PPP1R16B: variants seen among roughly 807,000 people sequenced by gnomAD.
PPP1R16B encodes protein phosphatase 1 regulatory subunit 16B.
A neutral mutation model predicts 61.7 loss-of-function variants in PPP1R16B; 14 were observed. That is an observed-to-expected ratio of 0.23 (90% CI 0.15 to 0.35). The LOEUF is 0.35. Ranked by LOEUF, PPP1R16B falls within the 10% of genes least tolerant of loss-of-function variation. The probability of loss-of-function intolerance (pLI) is 1.00; values close to 1 mark genes in which losing one functional copy is unlikely to be tolerated. For synonymous variants in PPP1R16B, 266 were observed against 305.3 expected, an observed-to-expected ratio of 0.87 and a Z score of 1.34; for missense variants, 547 against 752.5, an observed-to-expected ratio of 0.73 and a Z score of 3.19.
At chr20:38,848,174 A>G (rs1247479254) in intron 2 of PPP1R16B, among the ~76,000 whole-genome samples, 1 of 152,224 alleles carries the variant, frequency 6.6e-6, no homozygotes, top group Non-Finnish European at 1.5e-5. Context: ...GAAATACTTT[A>G]TGGGCTCTTG....
chr20:38,826,775 C>T (rs868019421), intron 1 of PPP1R16B, among the ~76,000 whole-genome samples: 3 of 152,196 alleles, frequency 2.0e-5, no homozygotes, highest in Non-Finnish European at 2.9e-5. Flanking sequence ...GGGCCATTCC[C>T]GTCTACCACC....
At chr20:38,808,958 G>A (rs912360556) in intron 1 of PPP1R16B, among the ~76,000 whole-genome samples, 2 of 151,984 alleles carry the variant, frequency 1.3e-5, no homozygotes, top group East Asian at 1.9e-4. Flanking sequence ...GCTTGAACCC[G>A]GGAGCAGGAG....
intron 4 of PPP1R16B, 53 bp from the exon 5 acceptor site, chr20:38,900,528 A>T: frequency 6.8e-7 from 1 of 1,474,518 alleles, no homozygotes; most frequent in Non-Finnish European, 9.3e-7. Context: ...AGAGGCAGCT[A>T]GACCAACCCT....
At position 38,907,193 on chromosome 20, in the gene PPP1R16B, T is replaced by C; in HGVS notation, c.898+139T>C. The C allele has an allele frequency of 2.9e-6, 2 of 690,082 alleles. No homozygotes were observed. Among genetic ancestry groups the C allele is most frequent in the South Asian group, 1.8e-5 (1 of 55,462 alleles). 42.7% of individuals were successfully genotyped at this position (690,082 alleles called of 1,614,324 possible). A position where few individuals can be genotyped will look rare whatever the true frequency, so the allele number is the denominator to read the frequency against. On this transcript the variant is annotated intron_variant, in intron 8 of 10. Coordinates refer to ENST00000299824, the MANE Select transcript of PPP1R16B (RefSeq NM_015568.4). This position sits in a 1 kb window ranked among gnomAD's most constrained non-coding sequence, Gnocchi z 4.5. ...ATAGATAGATGGATTAATTAATGGA[T>C]GGTAGATGAATGGACGGATGGACAG...
At chr20:38,904,079 TC>T (rs1399216579) in intron 6 of PPP1R16B, among the ~76,000 whole-genome samples, 1 of 148,914 alleles carries the variant, frequency 6.7e-6, no homozygotes, top group African/African-American at 2.4e-5. Context: ...CCCACCTGCT[TC>T]CTGAGCTCTC....
chr20:38,895,816 T>TCCTTCCTTCTTTCTCTCCTCCCTC lies in PPP1R16B; in HGVS notation c.467+109_467+110insTCCTTCTTTCTCTCCTCCCTCCCT, dbSNP rs2085331879. The TCCTTCCTTCTTTCTCTCCTCCCTC allele has an allele frequency of 2.4e-4, 137 of 568,500 alleles. 5 individuals are homozygous for TCCTTCCTTCTTTCTCTCCTCCCTC. The highest frequency in any genetic ancestry group is 9.0e-4 in the East Asian group (16 of 17,804). 35.2% of individuals were successfully genotyped at this position (568,500 alleles called of 1,614,324 possible). A position where few individuals can be genotyped will look rare whatever the true frequency, so the allele number is the denominator to read the frequency against. ...CTCCTTCCTTCTTTCTCTCCTCCCT[T>TCCTTCCTTCTTTCTCTCCTCCCTC]CCTCCTTCCTTCTTTCTCTCCTCCC... On this transcript the variant is annotated intron_variant, in intron 4 of 10. Transcript: ENST00000299824.
intron 1 of PPP1R16B, among the ~76,000 whole-genome samples, chr20:38,823,977 G>A (rs1406741315): frequency 6.6e-6 from 1 of 151,848 alleles, no homozygotes; most frequent in African/African-American, 2.4e-5. Flanking sequence ...TAATGGCATA[G>A]AGACTGACCA....
chr20:38,853,921 T>C (rs1001381408), intron 2 of PPP1R16B, among the ~76,000 whole-genome samples: 7 of 152,220 alleles, frequency 4.6e-5, no homozygotes, highest in Admixed American at 1.3e-4. Context: ...TTTGCCTGCA[T>C]CGCGCTTGCT....
chr20:38,823,242 G>A (rs558259529), intron 1 of PPP1R16B, among the ~76,000 whole-genome samples: 4 of 152,316 alleles, frequency 2.6e-5, no homozygotes, highest in African/African-American at 9.6e-5. Context: ...AGGGCATCTG[G>A]AAACTTTCTG....
chr20:38,836,021 G>A lies in PPP1R16B; in HGVS notation c.96G>A (p.Gln32=). ...GGGCTGCCCAGAAGCGCCGGGCCCA[G>A]CAGCTGAAGAAATGGGCACAGTACG... ...RLRAAQKRRA[Q]QLKKWAQYEQ... Residue 32 remains glutamine (Q), a synonymous_variant, in exon 2 of 11, where the codon CAG becomes CAA. Transcript: ENST00000299824. 1 of 1,595,850 alleles carries A rather than the reference G, an allele frequency of 6.3e-7. No individual in the cohort carries two copies. The highest frequency in any genetic ancestry group is 1.3e-5 in the African/African-American group (1 of 74,662).
At position 38,895,823 on chromosome 20, in the gene PPP1R16B, TCC is replaced by T. The variant is rs1568678805; in HGVS notation, c.467+114_467+115del. On this transcript the variant is annotated intron_variant, in intron 4 of 10. Coordinates refer to ENST00000299824, the MANE Select transcript of PPP1R16B (RefSeq NM_015568.4). ...CTTCTTTCTCTCCTCCCTTCCTCCT[TCC>T]TTCTTTCTCTCCTCCCTTCCTCCTT... is the stretch of plus-strand genomic sequence containing the variant. The T allele has an allele frequency of 2.6e-5, 29 of 1,124,504 alleles. No homozygotes were observed. In the African/African-American group the frequency reaches 4.8e-4, roughly 19 times the overall value. 69.7% of individuals were successfully genotyped at this position (1,124,504 alleles called of 1,614,324 possible).
chr20:38,913,486 C>T (rs2085508421), intron 10 of PPP1R16B, among the ~76,000 whole-genome samples: 1 of 152,136 alleles, frequency 6.6e-6, no homozygotes, highest in African/African-American at 2.4e-5. Context: ...TGGTCTCAAT[C>T]CCTTGACCTT....
intron 6 of PPP1R16B, among the ~76,000 whole-genome samples, chr20:38,903,083 T>G (rs1413485115): frequency 6.6e-6 from 1 of 152,152 alleles, no homozygotes; most frequent in Non-Finnish European, 1.5e-5. Flanking sequence ...GAGTTTGAGT[T>G]GTGATTGCAC....
Position 38,918,013 on chromosome 20 carries a change from C to A in PPP1R16B, c.1195-144C>A. 2 of 1,180,686 alleles carry A rather than the reference C, an allele frequency of 1.7e-6. No homozygotes were observed. Among genetic ancestry groups the A allele is most frequent in the Non-Finnish European group, 2.4e-6 (2 of 841,222 alleles). The allele number at this position is 1,180,686 out of a possible 1,614,324, so 73.1% of individuals were successfully genotyped here. On this transcript the variant is annotated intron_variant, in intron 10 of 10. Coordinates refer to ENST00000299824, the MANE Select transcript of PPP1R16B (RefSeq NM_015568.4). This position sits in a 1 kb window ranked among gnomAD's most constrained non-coding sequence, Gnocchi z 5.3. ...GGAAATTCATAGATTGGGGGTTCCC[C>A]AAAGGAAAACCCTGGCCCCGATACC...
chr20:38,916,023 T>C (rs891737621), intron 10 of PPP1R16B, among the ~76,000 whole-genome samples: 16 of 147,348 alleles, frequency 1.1e-4, no homozygotes, highest in Non-Finnish European at 2.2e-4. Context: ...AAACGGTCTC[T>C]CCATGACATG....
chr20:38,850,764 C>T lies in PPP1R16B; in HGVS notation c.250+14589C>T, dbSNP rs189324940. On this transcript the variant is annotated intron_variant, in intron 2 of 10. Transcript: ENST00000299824. ...GGCAGATCACCTGAGGTCAGGAGTT[C>T]GAGACCAGCCTGGCCAACATGGTGA... 4.3e-3 allele frequency among the ~76,000 whole-genome samples: 659 copies of T among 151,988 alleles called. 20 individuals are homozygous for T. Among genetic ancestry groups the T allele is most frequent in the Admixed American group, 0.039 (600 of 15,266 alleles).
rs1008483516 is a variant in PPP1R16B at position 38,884,544 on chromosome 20, T to G, written c.251-5051T>G. Among the ~76,000 whole-genome samples, 179 of 152,214 alleles carry G rather than the reference T, an allele frequency of 1.2e-3. 2 individuals carry two copies. The highest frequency in any genetic ancestry group is 2.9e-5 in the Non-Finnish European group (2 of 68,034). On this transcript the variant is annotated intron_variant, in intron 2 of 10. Coordinates refer to ENST00000299824, the MANE Select transcript of PPP1R16B (RefSeq NM_015568.4). ...GAGTGTGGATGTGTTCCAATAAAACTTTATTTGCAGAAACAGGCTGCCTGC... is the reference window on the plus strand; with the variant it reads ...GAGTGTGGATGTGTTCCAATAAAACGTTATTTGCAGAAACAGGCTGCCTGC...
chr20:38,879,350 T>C (rs1412532268), intron 2 of PPP1R16B, among the ~76,000 whole-genome samples: 1 of 152,120 alleles, frequency 6.6e-6, no homozygotes, highest in East Asian at 1.9e-4. Context: ...CATATCATCT[T>C]CACGGTAGCT....
chr20:38,840,504 C>T (rs1275973058), intron 2 of PPP1R16B, among the ~76,000 whole-genome samples: 1 of 152,214 alleles, frequency 6.6e-6, no homozygotes, highest in East Asian at 1.9e-4. Context: ...CCACCAAGAT[C>T]CTCCCATATT....
Sources: gnomAD v4.1 joint callset for allele counts (sites outside exome capture counted in the v4.1 genomes callset) on GRCh38, gnomAD v4.1.1 for gene constraint, Gnocchi (gnomAD v3.1) non-coding constraint, MANE v1.5 for transcripts, NCBI Gene and HGNC (gene_info 2026-07-23, HGNC 2026-07-21) for gene names.